Variants in FBXO31 observed in about 807,000 individuals in gnomAD.
FBXO31 encodes F-box protein 31.
FBXO31 carries 24 observed loss-of-function variants against 54.4 expected under a neutral mutation model. That is an observed-to-expected ratio of 0.44 (90% CI 0.32 to 0.62). The LOEUF (loss-of-function observed/expected upper bound fraction) is 0.62, where lower values mean the gene tolerates loss of function less well. Ranked by LOEUF, FBXO31 falls within the 20% of genes least tolerant of loss-of-function variation. The pLI is 0.05. For missense variants in FBXO31, 665 were observed against 787.1 expected, an observed-to-expected ratio of 0.84 and a Z score of 1.86; for synonymous variants, 388 against 335.6, an observed-to-expected ratio of 1.16 and a Z score of -1.71.
At chr16:87,387,704 G>A (rs1825727254), upstream of FBXO31, among the ~76,000 whole-genome samples, 2 of 152,234 alleles carry the variant, frequency 1.3e-5, no homozygotes, top group Admixed American at 6.5e-5. Flanking sequence ...CTACTCAGGA[G>A]GCTGAAGCAG....
intron 3 of FBXO31, 134 bp from the exon 4 acceptor site, chr16:87,343,899 C>G (rs940837842): frequency 1.2e-6 from 1 of 818,180 alleles, no homozygotes; most frequent in Non-Finnish European, 1.9e-6. Flanking sequence ...CACGCCCACC[C>G]TCGAGGTGCC....
intron 1 of FBXO31, among the ~76,000 whole-genome samples, chr16:87,380,451 G>C (rs570821995): frequency 1.8e-4 from 28 of 152,096 alleles, no homozygotes; most frequent in African/African-American, 3.6e-4. Context: ...ACCCGGACTG[G>C]AGTGCAGTAG....
rs1461390347 is a variant in FBXO31, at chr16:87,336,000, G to A, written c.842+155C>T. Among the ~76,000 whole-genome samples the A allele has an allele frequency of 6.6e-6, 1 of 152,070 alleles. No individual in the cohort carries two copies. The highest frequency in any genetic ancestry group is 1.5e-5 in the Non-Finnish European group (1 of 68,006). ...ACTATGCTCCAAGCACCCAGAGAGA[G>A]AGGGGCTGTACTCCCAGCCCCCAGC... is the stretch of plus-strand genomic sequence containing the variant. On this transcript the variant is annotated intron_variant, in intron 6 of 8. Transcript: ENST00000311635. This position sits in a 1 kb window ranked among gnomAD's most constrained non-coding sequence, Gnocchi z 5.7.
At chr16:87,359,578 A>C (rs933070105) in intron 2 of FBXO31, among the ~76,000 whole-genome samples, 2 of 152,250 alleles carry the variant, frequency 1.3e-5, no homozygotes, top group Non-Finnish European at 2.9e-5. Context: ...ACTGCCTTGC[A>C]GAAATGAAAA....
chr16:87,339,203 C>G (rs534814691), intron 5 of FBXO31, among the ~76,000 whole-genome samples: 1 of 152,288 alleles, frequency 6.6e-6, no homozygotes, highest in Admixed American at 6.5e-5. Context: ...AGGGCAGTAC[C>G]GAATTCCTGT....
At chr16:87,375,408 T>C (rs1437475357) in intron 1 of FBXO31, among the ~76,000 whole-genome samples, 2 of 150,368 alleles carry the variant, frequency 1.3e-5, no homozygotes, top group South Asian at 4.2e-4. Context: ...AGAGAAATGC[T>C]TGAACCCGGG....
At chr16:87,374,975 G>C (rs1906758597) in intron 1 of FBXO31, among the ~76,000 whole-genome samples, 1 of 152,150 alleles carries the variant, frequency 6.6e-6, no homozygotes. Context: ...CTGAGATCAG[G>C]AGTTCAAGAC....
chr16:87,371,896 AT>A lies in FBXO31; in HGVS notation c.340+11508del, dbSNP rs10589680. Among the ~76,000 whole-genome samples, 422 of 148,314 alleles carry A rather than the reference AT, an allele frequency of 2.8e-3. 2 individuals are homozygous for A. The highest frequency in any genetic ancestry group is 6.3e-3 in the African/African-American group (258 of 40,776). On this transcript the variant is annotated intron_variant, in intron 1 of 8. Coordinates refer to ENST00000311635, the MANE Select transcript of FBXO31 (RefSeq NM_024735.5). ...GTGCCAGATTCACTTTTGTTTTTAA[AT>A]TTTTTTTTTTTAAGTTAAAAAAAAA...
chr16:87,384,055 G>C (rs920465465), upstream of FBXO31: 3 of 175,376 alleles, frequency 1.7e-5, no homozygotes, highest in African/African-American at 4.7e-5. Context: ...ACGACCTTCA[G>C]ATTATGAGAC....
At chr16:87,387,519 A>G (rs1471273455), upstream of FBXO31, among the ~76,000 whole-genome samples, 1 of 152,206 alleles carries the variant, frequency 6.6e-6, no homozygotes, top group Non-Finnish European at 1.5e-5. Flanking sequence ...GAGGAAAACC[A>G]TGTTAACTGG....
chr16:87,331,824 A>G (rs1199033578), intron 8 of FBXO31, among the ~76,000 whole-genome samples: 1 of 152,248 alleles, frequency 6.6e-6, no homozygotes, highest in Non-Finnish European at 1.5e-5. Flanking sequence ...TGACTGCACA[A>G]TGCTGAAACA....
At chr16:87,340,016 C>G (rs1905142393) in intron 5 of FBXO31, among the ~76,000 whole-genome samples, 1 of 152,242 alleles carries the variant, frequency 6.6e-6, no homozygotes, top group Non-Finnish European at 1.5e-5. Context: ...GGCGCGGTGG[C>G]TCGCGCCTGT....
chr16:87,349,464 C>T (rs1294197363), intron 2 of FBXO31, among the ~76,000 whole-genome samples: 1 of 152,168 alleles, frequency 6.6e-6, no homozygotes, highest in Non-Finnish European at 1.5e-5. Context: ...CGCCTGTAAT[C>T]CCAGTACTTT....
At chr16:87,362,161 C>G (rs1342605766) in intron 1 of FBXO31, among the ~76,000 whole-genome samples, 3 of 152,158 alleles carry the variant, frequency 2.0e-5, no homozygotes. Context: ...GATGGAAACA[C>G]AACGTGAGCC....
chr16:87,349,501 G>C (rs576636292), intron 2 of FBXO31, among the ~76,000 whole-genome samples: 2 of 152,162 alleles, frequency 1.3e-5, no homozygotes, highest in African/African-American at 4.8e-5. Context: ...TGGATCACGA[G>C]GAGTTCGAGA....
At chr16:87,367,596 G>C (rs1170729151) in intron 1 of FBXO31, 1 of 152,258 alleles carries the variant, frequency 6.6e-6, no homozygotes, top group African/African-American at 2.4e-5. Flanking sequence ...TGGAGCTTCA[G>C]TTTGCTGCGT....
At chr16:87,391,762 C>G (rs1907563797), upstream of FBXO31, 1 of 152,292 alleles carries the variant, frequency 6.6e-6, no homozygotes, top group South Asian at 2.1e-4. Flanking sequence ...CACCCACGGA[C>G]CACGCGCGCC....
Position 87,329,644 on chromosome 16 carries a change from C to G in FBXO31, c.*1644G>C, listed in dbSNP as rs1477682722. On this transcript the variant is annotated 3_prime_UTR_variant, in exon 9 of 9. Transcript: ENST00000311635. ...AGCTTGTAGGCTAATGCTGCAAAAG[C>G]CGCTAGAAACTGGGGCCACACACAA... The G allele has an allele frequency of 3.3e-5, 5 of 152,272 alleles. No homozygotes were observed. In the East Asian group the frequency reaches 7.7e-4, roughly 23 times the overall value. The allele number at this position is 152,272 out of a possible 1,614,324, so 9.4% of individuals were successfully genotyped here. A position where few individuals can be genotyped will look rare whatever the true frequency, so the allele number is the denominator to read the frequency against.
At chr16:87,364,483 T>G (rs943194780) in intron 1 of FBXO31, among the ~76,000 whole-genome samples, 1 of 151,948 alleles carries the variant, frequency 6.6e-6, no homozygotes, top group Admixed American at 6.6e-5. Context: ...ATTCCAGAGG[T>G]CCAGGAAGCA....
Sources: gnomAD v4.1 joint callset for allele counts (sites outside exome capture counted in the v4.1 genomes callset) on GRCh38, gnomAD v4.1.1 for gene constraint, Gnocchi (gnomAD v3.1) non-coding constraint, MANE v1.5 for transcripts, NCBI Gene and HGNC (gene_info 2026-07-23, HGNC 2026-07-21) for gene names.